Variants in PCDHGA3 observed in about 807,000 individuals in gnomAD.
PCDHGA3 encodes the protein protocadherin gamma subfamily A, 3, also known as protocadherin gamma-A3.
Under a neutral mutation model 58.5 loss-of-function variants are expected in PCDHGA3, and 40 were observed. That is an observed-to-expected ratio of 0.68 (90% CI 0.53 to 0.89). The LOEUF is 0.89. Among genes scored for constraint, PCDHGA3 ranks in the 40% least tolerant of loss-of-function variants. The probability of loss-of-function intolerance (pLI) is 0.00; values close to 1 mark genes in which losing one functional copy is unlikely to be tolerated. For missense variants in PCDHGA3, 1,223 were observed against 1,195.9 expected (o/e 1.02, Z -0.33); for synonymous variants, 530 against 525.7 (o/e 1.01, Z -0.11).
intron 1 of PCDHGA3, chr5:141,408,161 C>T: frequency 2.0e-6 from 3 of 1,517,698 alleles, no homozygotes; most frequent in Non-Finnish European, 2.7e-6. Context: ...TGCACTTTCT[C>T]CAACTGGAAA....
At chr5:141,423,927 T>G (rs2096791636) in intron 1 of PCDHGA3, 4 of 1,240,434 alleles carry the variant, frequency 3.2e-6, no homozygotes, top group Non-Finnish European at 4.1e-6. Flanking sequence ...TATGCTGGTT[T>G]GGTTTGAAGT....
intron 1 of PCDHGA3, chr5:141,350,349 A>C (rs761366858): frequency 6.4e-7 from 1 of 1,559,220 alleles, no homozygotes; most frequent in Non-Finnish European, 8.7e-7. Context: ...ATCTCCCAGC[A>C]GATCCGATAC....
chr5:141,423,985 C>T (rs1334591897), intron 1 of PCDHGA3: 2 of 1,100,512 alleles, frequency 1.8e-6, no homozygotes, highest in Non-Finnish European at 2.2e-6. Flanking sequence ...ATGAGGCTCT[C>T]AATTTATTAT....
In PCDHGA3 at chr5:141,432,751, G is replaced by A; in HGVS notation, c.2425-62056G>A. The A allele has an allele frequency of 6.2e-7, 1 of 1,614,130 alleles. No homozygotes were observed. Among genetic ancestry groups the A allele is most frequent in the Non-Finnish European group, 8.5e-7 (1 of 1,179,982 alleles). Reference sequence around the variant, plus strand: ...CCACTGTCACGCTCACCGTGGCCGTGGCCGACAGCATCCCCCAAGTCCTGG... The same window carrying A: ...CCACTGTCACGCTCACCGTGGCCGTAGCCGACAGCATCCCCCAAGTCCTGG... On this transcript the variant is annotated intron_variant, in intron 1 of 3. Transcript: ENST00000253812. This position sits in a 1 kb window ranked among gnomAD's most constrained non-coding sequence, Gnocchi z 6.0.
intron 1 of PCDHGA3, chr5:141,383,899 C>T (rs560928380): frequency 1.2e-6 from 2 of 1,613,958 alleles, no homozygotes; most frequent in African/African-American, 2.7e-5. Context: ...GGCAAAAGTA[C>T]TGATCACAGT....
At chr5:141,388,686 G>A (rs1196254559) in intron 1 of PCDHGA3, 5 of 1,613,980 alleles carry the variant, frequency 3.1e-6, no homozygotes, top group Non-Finnish European at 4.2e-6. Context: ...GACTGCCACG[G>A]ACCAGGATGA....
rs369791160 is a variant in PCDHGA3 at position 141,431,269 on chromosome 5, C to G, written c.2425-63538C>G. On this transcript the variant is annotated intron_variant, in intron 1 of 3. Transcript: ENST00000253812. This position sits in a 1 kb window ranked among gnomAD's most constrained non-coding sequence, Gnocchi z 4.8. ...TCGGGAAGAACTCTCTGCAGAGCTA[C>G]GAGCTCAGCCCGAACACTCACTTCT... 1.4e-5 allele frequency: 22 copies of G among 1,614,034 alleles called. No individual in the cohort carries two copies. The highest frequency in any genetic ancestry group is 2.7e-5 in the African/African-American group (2 of 74,954).
chr5:141,400,245 C>T (rs778709619), intron 1 of PCDHGA3: 66 of 1,613,878 alleles, frequency 4.1e-5, no homozygotes, highest in African/African-American at 4.0e-5. Context: ...TGATTCTGGC[C>T]GTTGCCTTGC....
chr5:141,384,219 G>A lies in PCDHGA3; in HGVS notation c.2424+37762G>A, dbSNP rs1283583728. The A allele has an allele frequency of 2.5e-6, 4 of 1,613,744 alleles. No individual in the cohort carries two copies. The East Asian group carries it at 8.9e-5, about 36-fold the overall frequency. On this transcript the variant is annotated intron_variant, in intron 1 of 3. Coordinates refer to ENST00000253812, the MANE Select transcript of PCDHGA3 (RefSeq NM_018916.4). ...TGTCCAGGGAAACTCACATATTCAT[G>A]CAGGTGGCAGACACCAACGATAACC... is the stretch of plus-strand genomic sequence containing the variant.
intron 1 of PCDHGA3, chr5:141,399,431 T>A (rs757950073): frequency 3.1e-6 from 5 of 1,613,970 alleles, no homozygotes; most frequent in Admixed American, 3.3e-5. Context: ...ATAAGCGTCA[T>A]CCTACATATC....
In PCDHGA3 at chr5:141,393,378, G is replaced by A. The variant is rs1207426335; in HGVS notation, c.2424+46921G>A. On this transcript the variant is annotated intron_variant, in intron 1 of 3. Coordinates refer to ENST00000253812, the MANE Select transcript of PCDHGA3 (RefSeq NM_018916.4). ...GGACGTGCAGACTGGAGACAATGGA[G>A]CCATAAACCCAGAGCTGGTGCTGGA... The A allele has an allele frequency of 1.9e-6, 3 of 1,613,982 alleles. No individual in the cohort carries two copies. The highest frequency in any genetic ancestry group is 2.2e-5 in the East Asian group (1 of 44,866).
At position 141,345,755 on chromosome 5, in the gene PCDHGA3, C is replaced by T. The variant is rs1407265587; in HGVS notation, c.1722C>T (p.Gly574=). 9 of 1,614,108 alleles carry T rather than the reference C, an allele frequency of 5.6e-6. No homozygotes were observed. The African/African-American group carries it at 1.1e-4, about 19-fold the overall frequency. Residue 574 remains glycine, a synonymous_variant, in exon 1 of 4, where the codon GGC becomes GGT. Coordinates refer to ENST00000253812, the MANE Select transcript of PCDHGA3 (RefSeq NM_018916.4). ...YPALPTDGST[G]VELAPRSAEP... is the part of the protein sequence containing the mutation. ...CCCTCCCCACAGACGGTTCCACTGG[C>T]GTGGAGCTGGCGCCTCGCTCCGCAG...
chr5:141,358,988 G>A (rs1053429010), intron 1 of PCDHGA3, among the ~76,000 whole-genome samples: 1 of 152,196 alleles, frequency 6.6e-6, no homozygotes, highest in African/African-American at 2.4e-5. Context: ...ATTCATGAAT[G>A]CATATGCTTA....
chr5:141,360,056 A>C, intron 1 of PCDHGA3: 1 of 1,446,522 alleles, frequency 6.9e-7, no homozygotes, highest in Non-Finnish European at 9.1e-7. Flanking sequence ...CAAAAGCAGG[A>C]AAAGTGACCT....
intron 1 of PCDHGA3, chr5:141,413,304 A>G: frequency 6.2e-7 from 1 of 1,613,982 alleles, no homozygotes; most frequent in Non-Finnish European, 8.5e-7. Context: ...CTGAGGAATT[A>G]GAGAAAGGCT....
intron 1 of PCDHGA3, among the ~76,000 whole-genome samples, chr5:141,438,587 CAT>C (rs1372372472): frequency 3.8e-4 from 28 of 73,432 alleles, no homozygotes; most frequent in African/African-American, 1.4e-3. Flanking sequence ...TACATACATA[CAT>C]ACATATATAT....
In PCDHGA3 at chr5:141,345,406, C is replaced by T; in HGVS notation, c.1373C>T (p.Ser458Phe). 1.2e-6 allele frequency: 2 copies of T among 1,614,138 alleles called. No individual in the cohort carries two copies. Among genetic ancestry groups the T allele is most frequent in the Non-Finnish European group, 8.5e-7 (1 of 1,180,026 alleles). Reference protein sequence around the residue: ...NPPTFPHLSYSAYIPENNPRG... With the variant: ...NPPTFPHLSYFAYIPENNPRG... ...CCCACCTTCCCTCATTTATCCTACT[C>T]CGCCTACATTCCAGAAAACAACCCC... Residue 458 changes from serine to phenylalanine, a missense_variant, in exon 1 of 4, where the codon TCC (serine) becomes TTC (phenylalanine). Physicochemically the swap from Ser to Phe is radical, Grantham distance 155. Transcript: ENST00000253812.
Position 141,399,482 on chromosome 5 carries a change from C to T in PCDHGA3, c.2424+53025C>T, listed in dbSNP as rs559370708. 8.1e-6 allele frequency: 13 copies of T among 1,613,934 alleles called. No individual in the cohort carries two copies. In the South Asian group the frequency reaches 1.3e-4, roughly 16 times the overall value. ...AACGCTCCGGTTTTCCACCAGGCGT[C>T]CTACTTAGTCAGTGTACCCGAAAAC... On this transcript the variant is annotated intron_variant, in intron 1 of 3. Coordinates refer to ENST00000253812, the MANE Select transcript of PCDHGA3 (RefSeq NM_018916.4).
At chr5:141,430,687 T>A in intron 1 of PCDHGA3, 3 of 1,399,922 alleles carry the variant, frequency 2.1e-6, no homozygotes, top group Non-Finnish European at 9.5e-7. Flanking sequence ...TGTCCCATTC[T>A]ATGGGCGAAG....
Sources: allele counts gnomAD v4.1 joint callset (sites outside exome capture counted in the v4.1 genomes callset), GRCh38; gene constraint gnomAD v4.1.1; non-coding constraint Gnocchi (gnomAD v3.1); transcripts MANE v1.5; gene names NCBI Gene and HGNC (gene_info 2026-07-23, HGNC 2026-07-21).